Variants in SGCG observed in about 807,000 individuals in gnomAD.
SGCG encodes sarcoglycan gamma, also known as gamma-sarcoglycan.
SGCG carries 26 observed loss-of-function variants against 29.3 expected under a neutral mutation model. The ratio of observed to expected loss-of-function variants is 0.89; its 90% CI spans 0.65 to 1.23. The LOEUF (loss-of-function observed/expected upper bound fraction) is 1.23, where lower values mean the gene tolerates loss of function less well. SGCG is among the 50% of genes most tolerant of loss of function. The probability of loss-of-function intolerance (pLI) is 0.00; values close to 1 mark genes in which losing one functional copy is unlikely to be tolerated. For missense variants in SGCG, 353 were observed against 356.0 expected (o/e 0.99, Z 0.07); for synonymous variants, 145 against 129.7 (o/e 1.12, Z -0.80).
chr13:23,259,459 G>T (rs1336435348), intron 4 of SGCG, among the ~76,000 whole-genome samples: 6 of 151,868 alleles, frequency 4.0e-5, no homozygotes, highest in Admixed American at 3.9e-4. Context: ...GTTCCTAGCG[G>T]TCTATCAATT....
the SGCG span, among the ~76,000 whole-genome samples, chr13:23,164,995 T>G: frequency 2.0e-5 from 3 of 152,104 alleles, no homozygotes; most frequent in African/African-American, 7.2e-5. Context: ...CCTGTGGCCC[T>G]CCCCTCCCAC....
chr13:23,319,291 C>T (rs1325092132), intron 6 of SGCG, among the ~76,000 whole-genome samples: 1 of 140,858 alleles, frequency 7.1e-6, no homozygotes, highest in African/African-American at 2.5e-5. Context: ...CAGAGCAAGA[C>T]TCCGTCTCAA....
chr13:23,252,053 A>G (rs1195222875), intron 4 of SGCG, among the ~76,000 whole-genome samples: 1 of 152,172 alleles, frequency 6.6e-6, no homozygotes, highest in Non-Finnish European at 1.5e-5. Context: ...TTGGCCTGGA[A>G]GTTTTGTTTA....
chr13:23,240,718 G>A (rs1879472616), intron 3 of SGCG, among the ~76,000 whole-genome samples: 1 of 151,864 alleles, frequency 6.6e-6, no homozygotes, highest in Non-Finnish European at 1.5e-5. Context: ...AATAACCATG[G>A]GTCAAAGAAG....
the SGCG span, among the ~76,000 whole-genome samples, chr13:23,168,566 G>A: frequency 3.3e-3 from 505 of 152,266 alleles, 14 homozygotes; most frequent in East Asian, 0.068. Flanking sequence ...CTCAGTACAG[G>A]CTTGAGGACA....
At chr13:23,218,409 G>A (rs908812811) in intron 2 of SGCG, among the ~76,000 whole-genome samples, 6 of 152,054 alleles carry the variant, frequency 3.9e-5, no homozygotes, top group Non-Finnish European at 8.8e-5. Flanking sequence ...AGTTGGTGGG[G>A]ATATAAACTG....
At chr13:23,269,961 G>A (rs1385981910) in intron 4 of SGCG, among the ~76,000 whole-genome samples, 9 of 146,610 alleles carry the variant, frequency 6.1e-5, no homozygotes, top group Admixed American at 1.4e-4. Flanking sequence ...TGCAAGCTCC[G>A]CCTCCCAGGT....
chr13:23,320,403 C>T (rs762820863), intron 6 of SGCG, among the ~76,000 whole-genome samples: 2 of 152,112 alleles, frequency 1.3e-5, no homozygotes, highest in African/African-American at 4.8e-5. Context: ...ATGTTTTTAT[C>T]GGCTTTTAGA....
chr13:23,301,566 C>G (rs1459111187), intron 6 of SGCG, among the ~76,000 whole-genome samples: 1 of 152,072 alleles, frequency 6.6e-6, no homozygotes, highest in Non-Finnish European at 1.5e-5. Flanking sequence ...CAGACAGAAT[C>G]AAAATTAGGA....
intron 3 of SGCG, among the ~76,000 whole-genome samples, chr13:23,248,038 G>A (rs1367365483): frequency 1.1e-5 from 1 of 87,354 alleles, no homozygotes; most frequent in Non-Finnish European, 2.7e-5. Flanking sequence ...ACTTTGGAAG[G>A]CCAAAGCGGG....
chr13:23,178,644 TA>T, upstream of SGCG, among the ~76,000 whole-genome samples: 1 of 152,182 alleles, frequency 6.6e-6, no homozygotes. Context: ...CCCAAATCAT[TA>T]AAATACTCCG....
chr13:23,278,762 C>A (rs1457518307), intron 4 of SGCG, among the ~76,000 whole-genome samples: 2 of 152,114 alleles, frequency 1.3e-5, no homozygotes, highest in Non-Finnish European at 2.9e-5. Flanking sequence ...AAGGGCATAA[C>A]CTTGGATACA....
intron 5 of SGCG, among the ~76,000 whole-genome samples, chr13:23,287,911 C>T (rs1296608114): frequency 4.6e-5 from 7 of 152,090 alleles, no homozygotes; most frequent in South Asian, 2.1e-4. Context: ...CATGTCACCA[C>T]GCCCAGCTAA....
the SGCG span, among the ~76,000 whole-genome samples, chr13:23,164,037 C>T: frequency 1.3e-5 from 2 of 152,188 alleles, no homozygotes; most frequent in African/African-American, 2.4e-5. Flanking sequence ...TTCTTTTTCT[C>T]TTCTCTCCTG....
At chr13:23,266,742 T>C (rs1424211088) in intron 4 of SGCG, among the ~76,000 whole-genome samples, 1 of 152,026 alleles carries the variant, frequency 6.6e-6, no homozygotes, top group African/African-American at 2.4e-5. Context: ...CTCTTCTCTC[T>C]TCTCTCTCTC....
At chr13:23,247,477 A>G (rs1879758490) in intron 3 of SGCG, among the ~76,000 whole-genome samples, 1 of 152,132 alleles carries the variant, frequency 6.6e-6, no homozygotes, top group Non-Finnish European at 1.5e-5. Context: ...TAAAGAAGAG[A>G]GTTTGATAGA....
chr13:23,320,597 C>CTTTTTTTT lies in SGCG; in HGVS notation c.579-30_579-23dup, dbSNP rs67528585. On this transcript the variant is annotated intron_variant, in intron 6 of 7. Transcript: ENST00000218867. ...ATTGCTGGAGTGGCTATTTTTAATA[C>CTTTTTTTT]TTTTTTTTTTTTTTTTTGTGCTTCT... The CTTTTTTTT allele has an allele frequency of 7.6e-6, 10 of 1,321,588 alleles. No individual in the cohort carries two copies. The East Asian group carries it at 8.2e-5, about 11-fold the overall frequency. The allele number at this position is 1,321,588 out of a possible 1,614,324, so 81.9% of individuals were successfully genotyped here.
chr13:23,202,428 T>C (rs1877803528), intron 1 of SGCG, among the ~76,000 whole-genome samples: 1 of 152,168 alleles, frequency 6.6e-6, no homozygotes, highest in Admixed American at 6.5e-5. Context: ...AGATTTCAGA[T>C]ATATATGGAA....
intron 3 of SGCG, among the ~76,000 whole-genome samples, chr13:23,240,341 G>A (rs957388818): frequency 8.5e-5 from 13 of 152,292 alleles, no homozygotes; most frequent in African/African-American, 3.1e-4. Flanking sequence ...CTGATAGATT[G>A]TAAGAAAGGA....
Sources: gnomAD v4.1 joint callset for allele counts (sites outside exome capture counted in the v4.1 genomes callset) on GRCh38, gnomAD v4.1.1 for gene constraint, MANE v1.5 for transcripts, NCBI Gene and HGNC (gene_info 2026-07-23, HGNC 2026-07-21) for gene names.